AGBL1: variants seen among roughly 807,000 people sequenced by gnomAD.
The protein encoded by AGBL1 is AGBL carboxypeptidase 1.
A neutral mutation model predicts 118.9 loss-of-function variants in AGBL1; 130 were observed. The ratio of observed to expected loss-of-function variants is 1.09; its 90% confidence interval spans 0.95 to 1.26. The LOEUF (loss-of-function observed/expected upper bound fraction) is 1.26, where lower values mean the gene tolerates loss of function less well. Ranked by LOEUF, AGBL1 falls within the 50% of genes most tolerant of loss-of-function variation. The pLI, the probability that AGBL1 is intolerant of heterozygous loss-of-function variation, is 0.00. For synonymous variants in AGBL1, 555 were observed against 478.9 expected (o/e 1.16, Z -2.08); for missense variants, 1,584 against 1,298.1 (o/e 1.22, Z -3.38).
intron 18 of AGBL1, among the ~76,000 whole-genome samples, chr15:86,484,501 G>C (rs1036354987): frequency 3.3e-5 from 5 of 152,116 alleles, no homozygotes; most frequent in Admixed American, 6.6e-5. Context: ...AATCTGAGTG[G>C]TTTTTGATTA....
intron 18 of AGBL1, among the ~76,000 whole-genome samples, chr15:86,452,137 T>C (rs2082201121): frequency 6.6e-6 from 1 of 152,152 alleles, no homozygotes; most frequent in South Asian, 2.1e-4. Context: ...GAGCATAATC[T>C]CTAGACTCAT....
intron 22 of AGBL1, among the ~76,000 whole-genome samples, chr15:86,751,683 A>T (rs2077854717): frequency 6.6e-6 from 1 of 152,148 alleles, no homozygotes; most frequent in Non-Finnish European, 1.5e-5. Flanking sequence ...ATGTTCAATG[A>T]CCATCTTATA....
At chr15:86,665,246 C>G (rs1186618431) in intron 21 of AGBL1, among the ~76,000 whole-genome samples, 1 of 152,050 alleles carries the variant, frequency 6.6e-6, no homozygotes, top group Admixed American at 6.6e-5. Context: ...GCTCATTTTA[C>G]GATTATTTCC....
At chr15:86,465,244 C>T (rs2082387672) in intron 18 of AGBL1, among the ~76,000 whole-genome samples, 2 of 152,132 alleles carry the variant, frequency 1.3e-5, no homozygotes, top group Non-Finnish European at 2.9e-5. Context: ...TTTATCACTT[C>T]CCCAATCAAT....
intron 22 of AGBL1, among the ~76,000 whole-genome samples, chr15:86,747,020 A>G (rs141616120): frequency 6.6e-5 from 10 of 152,196 alleles, no homozygotes; most frequent in East Asian, 3.9e-4. Flanking sequence ...GCTCATTTCC[A>G]TAATGGAAAC....
At chr15:86,813,833 A>G (rs1298997901) in intron 22 of AGBL1, among the ~76,000 whole-genome samples, 1 of 152,242 alleles carries the variant, frequency 6.6e-6, no homozygotes, top group Admixed American at 6.5e-5. Context: ...TACTAGAGAT[A>G]TGAACATCAT....
chr15:86,174,591 A>G (rs1431901899), intron 5 of AGBL1, among the ~76,000 whole-genome samples: 2 of 151,552 alleles, frequency 1.3e-5, no homozygotes, highest in African/African-American at 2.4e-5. Flanking sequence ...GGTTTGTCAC[A>G]TGTGGCTTTT....
intron 21 of AGBL1, among the ~76,000 whole-genome samples, chr15:86,656,818 ATGAGAAGGGTCTGTTCTTTTACCTG>A (rs1287133740): frequency 6.6e-6 from 1 of 152,116 alleles, no homozygotes; most frequent in Non-Finnish European, 1.5e-5. Context: ...CTTAGCTAAC[ATGAGAAGGGTCTGTTCTTTTACCTG>A]AACTCCACCA....
At chr15:86,805,021 C>T (rs372990787) in intron 22 of AGBL1, among the ~76,000 whole-genome samples, 40 of 151,978 alleles carry the variant, frequency 2.6e-4, no homozygotes, top group African/African-American at 8.9e-4. Flanking sequence ...CTGAAGGACT[C>T]CCAGTGCCAA....
intron 19 of AGBL1, among the ~76,000 whole-genome samples, chr15:86,538,486 C>A (rs2083454484): frequency 6.6e-6 from 1 of 152,164 alleles, no homozygotes; most frequent in African/African-American, 2.4e-5. Flanking sequence ...TCACCAATAT[C>A]ATTTCCCTCA....
chr15:86,207,285 C>G (rs953754939), intron 5 of AGBL1, among the ~76,000 whole-genome samples: 21 of 152,178 alleles, frequency 1.4e-4, no homozygotes. Flanking sequence ...ATTGTCTTGG[C>G]AATGCAGGCT....
chr15:86,631,968 T>A (rs566022268), intron 21 of AGBL1, among the ~76,000 whole-genome samples: 1 of 151,428 alleles, frequency 6.6e-6, no homozygotes. Context: ...GGCAGAAGGA[T>A]CTCTTGAAAC....
chr15:86,443,843 T>C (rs1474103288), intron 18 of AGBL1, among the ~76,000 whole-genome samples: 1 of 146,228 alleles, frequency 6.8e-6, no homozygotes, highest in Non-Finnish European at 1.5e-5. Flanking sequence ...TCTTTATCCA[T>C]CCATTCATTG....
intron 22 of AGBL1, among the ~76,000 whole-genome samples, chr15:86,772,232 A>G (rs1254923489): frequency 6.6e-6 from 1 of 151,998 alleles, no homozygotes; most frequent in African/African-American, 2.4e-5. Flanking sequence ...CCTGACCCAG[A>G]CTTGGCCCAT....
At chr15:86,582,576 G>T (rs887518161) in intron 21 of AGBL1, among the ~76,000 whole-genome samples, 1 of 152,012 alleles carries the variant, frequency 6.6e-6, no homozygotes, top group Non-Finnish European at 1.5e-5. Context: ...GTTTATTGAG[G>T]CACTATTCAC....
intron 1 of AGBL1, among the ~76,000 whole-genome samples, chr15:86,098,197 A>G (rs75641699): frequency 0.011 from 1,680 of 151,708 alleles, 10 homozygotes; most frequent in East Asian, 0.024. Context: ...AGTTCCTTGT[A>G]TATTCTGGAT....
chr15:86,106,625 C>T (rs1479678951), intron 1 of AGBL1, among the ~76,000 whole-genome samples: 1 of 152,226 alleles, frequency 6.6e-6, no homozygotes, highest in African/African-American at 2.4e-5. Flanking sequence ...CAGAACACTT[C>T]CTTCATCCCC....
intron 22 of AGBL1, among the ~76,000 whole-genome samples, chr15:86,678,502 T>C (rs944296501): frequency 6.6e-6 from 1 of 152,102 alleles, no homozygotes; most frequent in Non-Finnish European, 1.5e-5. Flanking sequence ...TTTAAAAAAG[T>C]TATATTTACA....
chr15:86,647,739 A>C (rs552634101), intron 21 of AGBL1, among the ~76,000 whole-genome samples: 6 of 152,286 alleles, frequency 3.9e-5, no homozygotes, highest in Non-Finnish European at 7.3e-5. Flanking sequence ...TCCAATATAC[A>C]ATGCACAATA....
Sources: gnomAD v4.1 joint callset for allele counts (sites outside exome capture counted in the v4.1 genomes callset) on GRCh38, gnomAD v4.1.1 for gene constraint, MANE v1.5 for transcripts, NCBI Gene and HGNC (gene_info 2026-07-23, HGNC 2026-07-21) for gene names.